Variants in RNFT2 observed in about 807,000 individuals in gnomAD.
RNFT2 encodes ring finger protein, transmembrane 2.
RNFT2 carries 36 observed loss-of-function variants against 53.0 expected under a neutral mutation model. The observed-to-expected ratio is 0.68, with a 90% CI of 0.52 to 0.90. The LOEUF (loss-of-function observed/expected upper bound fraction) is 0.90. RNFT2 is among the 40% of genes least tolerant of loss of function. RNFT2 has a pLI of 0.00. For synonymous variants in RNFT2, 260 were observed against 253.2 expected (o/e 1.03, Z -0.26); for missense variants, 514 against 585.6 (o/e 0.88, Z 1.26).
chr12:116,788,592 A>C (rs1874046629), intron 7 of RNFT2, among the ~76,000 whole-genome samples: 1 of 152,090 alleles, frequency 6.6e-6, no homozygotes, highest in African/African-American at 2.4e-5. Context: ...TTGTTTGTTT[A>C]AATGTCTGCC....
At chr12:116,847,316 C>T (rs74436787) in intron 10 of RNFT2, among the ~76,000 whole-genome samples, 3,956 of 152,020 alleles carry the variant, frequency 0.026, 180 homozygotes, top group African/African-American at 0.09. Flanking sequence ...TTTTTTGCCA[C>T]CCCTGGGACC....
At chr12:116,803,501 C>T (rs1424673471) in intron 7 of RNFT2, among the ~76,000 whole-genome samples, 3 of 152,282 alleles carry the variant, frequency 2.0e-5, no homozygotes, top group East Asian at 1.9e-4. Flanking sequence ...AAAGCCACTC[C>T]GCTGACCCCA....
intron 6 of RNFT2, among the ~76,000 whole-genome samples, chr12:116,768,813 C>T (rs1412701587): frequency 6.6e-6 from 1 of 150,874 alleles, no homozygotes; most frequent in Non-Finnish European, 1.5e-5. Flanking sequence ...TCACTGCAAC[C>T]TCCGCCTCCC....
At chr12:116,820,920 T>A (rs1171780628) in intron 7 of RNFT2, among the ~76,000 whole-genome samples, 3 of 152,020 alleles carry the variant, frequency 2.0e-5, no homozygotes, top group Non-Finnish European at 1.5e-5. Flanking sequence ...CCCTAGTCCT[T>A]CTCTCTTTCC....
intron 10 of RNFT2, among the ~76,000 whole-genome samples, chr12:116,839,375 G>A (rs1877132118): frequency 7.8e-6 from 1 of 127,450 alleles, no homozygotes; most frequent in Non-Finnish European, 1.6e-5. Flanking sequence ...AGATTAATAG[G>A]ATGGTTGGGT....
chr12:116,782,031 A>ATCG (rs1474740694), intron 7 of RNFT2: 1 of 130,894 alleles, frequency 7.6e-6, no homozygotes, highest in East Asian at 2.5e-4. Flanking sequence ...GTGAGCCAAG[A>ATCG]TCGCACCACT....
intron 5 of RNFT2, among the ~76,000 whole-genome samples, chr12:116,757,164 T>C (rs1417262102): frequency 6.6e-6 from 1 of 152,198 alleles, no homozygotes; most frequent in Non-Finnish European, 1.5e-5. Context: ...GTGGTGTCAC[T>C]TGAAATATCT....
Position 116,750,073 on chromosome 12 carries a change from G to T in RNFT2, c.316G>T (p.Ala106Ser). The change falls in exon 4 of 11, where the codon GCC becomes TCC. Residue 106 changes from alanine (A) to serine (S), a missense_variant. By Grantham distance (99) the Ala-to-Ser change is moderately conservative. This residue lies in a region of RNFT2 where 237 missense variants were observed against 235.1 expected (regional missense o/e 1.01). Coordinates refer to ENST00000257575, the MANE Select transcript of RNFT2 (RefSeq NM_001382266.1). Reference protein sequence around the residue: ...EEGGGRGEGGAYHHRQPHHHF... With the variant: ...EEGGGRGEGGSYHHRQPHHHF... ...AGGAGGGGGCCGGGGCGAGGGGGGC[G>T]CCTACCACCACCGCCAGCCCCACCA... The T allele has an allele frequency of 6.5e-7, 1 of 1,545,986 alleles. No homozygotes were observed. Among genetic ancestry groups the T allele is most frequent in the African/African-American group, 1.4e-5 (1 of 73,478 alleles).
chr12:116,845,143 T>C (rs1877537146), intron 10 of RNFT2, among the ~76,000 whole-genome samples: 1 of 150,328 alleles, frequency 6.7e-6, no homozygotes, highest in South Asian at 2.1e-4. Flanking sequence ...ACTTGGGAGA[T>C]TGAAGCAGGA....
At chr12:116,789,885 TAGG>T (rs1874145780) in intron 7 of RNFT2, among the ~76,000 whole-genome samples, 1 of 143,164 alleles carries the variant, frequency 7.0e-6, no homozygotes, top group Admixed American at 7.0e-5. Flanking sequence ...GGGTAAATGG[TAGG>T]AGAGTGGTGG....
At chr12:116,811,401 A>T (rs1255970953) in intron 7 of RNFT2, among the ~76,000 whole-genome samples, 1 of 149,892 alleles carries the variant, frequency 6.7e-6, no homozygotes, top group African/African-American at 2.5e-5. Flanking sequence ...TTTGAGACAG[A>T]GTCTCACTCT....
At chr12:116,785,279 G>GC (rs1343536899) in intron 7 of RNFT2, among the ~76,000 whole-genome samples, 5 of 109,970 alleles carry the variant, frequency 4.5e-5, no homozygotes, top group African/African-American at 2.6e-4. Flanking sequence ...GTGTGTGGCG[G>GC]GGGGGGGTTG....
At chr12:116,829,819 G>T (rs1479226272) in intron 7 of RNFT2, among the ~76,000 whole-genome samples, 2 of 152,244 alleles carry the variant, frequency 1.3e-5, no homozygotes, top group East Asian at 1.9e-4. Context: ...GGCCTCAAGA[G>T]ATCTGTCCAC....
intron 1 of RNFT2, among the ~76,000 whole-genome samples, chr12:116,739,123 G>A (rs1001596419): frequency 1.3e-5 from 2 of 152,060 alleles, no homozygotes; most frequent in East Asian, 1.9e-4. Context: ...GCCAATAATC[G>A]TGCCCTAAAC....
At chr12:116,795,339 C>T (rs1177575916) in intron 7 of RNFT2, among the ~76,000 whole-genome samples, 2 of 151,200 alleles carry the variant, frequency 1.3e-5, no homozygotes, top group African/African-American at 4.9e-5. Context: ...ACCCAGGAGG[C>T]AGAGGTTGCA....
At chr12:116,790,039 GC>G (rs1874163605) in intron 7 of RNFT2, among the ~76,000 whole-genome samples, 1 of 152,092 alleles carries the variant, frequency 6.6e-6, no homozygotes, top group Admixed American at 6.6e-5. Flanking sequence ...TACAGCAACA[GC>G]AAGAGCTTGG....
chr12:116,768,483 A>T (rs1873019097), intron 6 of RNFT2, among the ~76,000 whole-genome samples: 1 of 152,212 alleles, frequency 6.6e-6, no homozygotes, highest in Non-Finnish European at 1.5e-5. Context: ...CAGTGGTCCC[A>T]TAAGGTTATA....
chr12:116,799,681 A>G (rs1874670142), intron 7 of RNFT2, among the ~76,000 whole-genome samples: 1 of 152,166 alleles, frequency 6.6e-6, no homozygotes, highest in South Asian at 2.1e-4. Flanking sequence ...CATGCCTGTA[A>G]TCCCTTTTTT....
intron 7 of RNFT2, among the ~76,000 whole-genome samples, chr12:116,780,212 C>T (rs1873628013): frequency 6.6e-6 from 1 of 152,174 alleles, no homozygotes; most frequent in Non-Finnish European, 1.5e-5. Flanking sequence ...TGTCCACTCC[C>T]TTTCTCCACT....
Sources: gnomAD v4.1 joint callset for allele counts (sites outside exome capture counted in the v4.1 genomes callset) on GRCh38, gnomAD v4.1.1 for gene constraint, gnomAD v4.1.1 regional missense constraint, MANE v1.5 for transcripts, NCBI Gene and HGNC (gene_info 2026-07-23, HGNC 2026-07-21) for gene names.